JCAD: variants seen among roughly 807,000 people sequenced by gnomAD.
JCAD encodes junctional cadherin 5 associated.
Under a neutral mutation model 98.0 loss-of-function variants are expected in JCAD, and 40 were observed. The observed-to-expected ratio is 0.41, with a 90% confidence interval of 0.32 to 0.53. The LOEUF (loss-of-function observed/expected upper bound fraction) is 0.53. JCAD is among the 20% of genes least tolerant of loss of function. JCAD has a pLI of 0.31. For synonymous variants in JCAD, 691 were observed against 682.3 expected (o/e 1.01, Z -0.20); for missense variants, 1,705 against 1,738.1 (o/e 0.98, Z 0.34).
intron 1 of JCAD, among the ~76,000 whole-genome samples, chr10:30,096,727 G>T (rs567603707): frequency 6.6e-6 from 1 of 151,696 alleles, no homozygotes; most frequent in African/African-American, 2.4e-5. Flanking sequence ...CTCAGGTGGC[G>T]TCATGGAATG....
intron 2 of JCAD, among the ~76,000 whole-genome samples, chr10:30,037,747 A>G (rs1002473866): frequency 5.9e-5 from 9 of 152,102 alleles, no homozygotes; most frequent in Admixed American, 5.9e-4. Context: ...GGGCACAGGA[A>G]AGCAATTCAA....
upstream of JCAD, among the ~76,000 whole-genome samples, chr10:30,061,506 C>T (rs1837699996): frequency 6.6e-6 from 1 of 150,466 alleles, no homozygotes; most frequent in African/African-American, 2.5e-5. Context: ...CATGCCACTG[C>T]ACTCCAGCCT....
intron 1 of JCAD, among the ~76,000 whole-genome samples, chr10:30,056,159 T>C (rs1837566644): frequency 6.6e-6 from 1 of 152,234 alleles, no homozygotes; most frequent in African/African-American, 2.4e-5. Context: ...AACATCATCA[T>C]AGGTTAGAGT....
At chr10:30,107,652 CTT>C (rs1268137866) in intron 1 of JCAD, among the ~76,000 whole-genome samples, 2 of 152,216 alleles carry the variant, frequency 1.3e-5, no homozygotes, top group African/African-American at 2.4e-5. Flanking sequence ...CTTTAATAAA[CTT>C]GCTTTCACTT....
chr10:30,064,273 C>T (rs1837748751), upstream of JCAD, among the ~76,000 whole-genome samples: 1 of 152,096 alleles, frequency 6.6e-6, no homozygotes, highest in Admixed American at 6.6e-5. Flanking sequence ...AGCATGTGAG[C>T]ATGCTCAGCC....
At chr10:30,021,808 C>T (rs959145185) in intron 3 of JCAD, among the ~76,000 whole-genome samples, 3 of 152,148 alleles carry the variant, frequency 2.0e-5, no homozygotes, top group Non-Finnish European at 4.4e-5. Context: ...ATTTAGAATC[C>T]TGTTTCCTGT....
In JCAD at chr10:30,059,008, G is replaced by A. The variant is rs1192514625; in HGVS notation, c.-60+474C>T. 6.6e-6 allele frequency among the ~76,000 whole-genome samples: 1 copy of A among 152,152 alleles called. No individual in the cohort carries two copies. ...AACTGGGACCTCGGGGACCCAGCGC[G>A]GCGGCTGTCAGCTCTGGGGTGAGGT... On this transcript the variant is annotated intron_variant, in intron 1 of 3. Coordinates refer to ENST00000375377, the MANE Select transcript of JCAD (RefSeq NM_020848.4). This position sits in a 1 kb window ranked among gnomAD's most constrained non-coding sequence, Gnocchi z 5.0.
intron 3 of JCAD, 36 bp downstream of exon 3, chr10:30,026,067 T>C (rs1836784667): frequency 6.2e-7 from 1 of 1,613,084 alleles, no homozygotes; most frequent in African/African-American, 1.3e-5. Context: ...ACTCCAAATG[T>C]ATACTGAGCA....
At chr10:30,096,012 G>T in intron 1 of JCAD, among the ~76,000 whole-genome samples, 1 of 152,216 alleles carries the variant, frequency 6.6e-6, no homozygotes, top group East Asian at 1.9e-4. Context: ...CCACAAGCTA[G>T]GGAAAAAATG....
intron 1 of JCAD, among the ~76,000 whole-genome samples, chr10:30,107,858 CT>C (rs994429320): frequency 6.6e-6 from 1 of 152,120 alleles, no homozygotes; most frequent in African/African-American, 2.4e-5. Context: ...ATGAAACTTA[CT>C]TCCTTTTCAA....
chr10:30,042,459 G>A (rs777463755), intron 2 of JCAD, among the ~76,000 whole-genome samples: 3 of 152,212 alleles, frequency 2.0e-5, no homozygotes, highest in East Asian at 3.9e-4. Context: ...TAAGAGATGC[G>A]GGCAGTTGAC....
intron 3 of JCAD, among the ~76,000 whole-genome samples, chr10:30,018,289 TCTTCTTC>T (rs1191027355): frequency 4.8e-5 from 6 of 123,774 alleles, no homozygotes; most frequent in African/African-American, 1.1e-4. Context: ...TTCTTCTTCT[TCTTCTTC>T]TTTTTTTTTT....
At chr10:30,115,033 A>G (rs1442153916) in intron 1 of JCAD, among the ~76,000 whole-genome samples, 4 of 152,174 alleles carry the variant, frequency 2.6e-5, no homozygotes, top group Non-Finnish European at 5.9e-5. Flanking sequence ...CACGTGACCA[A>G]CCTCAGAGCC....
At chr10:30,061,072 G>T (rs1436574564), upstream of JCAD, among the ~76,000 whole-genome samples, 2 of 152,208 alleles carry the variant, frequency 1.3e-5, no homozygotes, top group Non-Finnish European at 2.9e-5. Context: ...GAACCAGGTA[G>T]CTCAGGTCCC....
chr10:30,086,143 T>C (rs1180277743), intron 1 of JCAD, among the ~76,000 whole-genome samples: 1 of 152,158 alleles, frequency 6.6e-6, no homozygotes, highest in Admixed American at 6.5e-5. Context: ...AAAATTATTT[T>C]TTTAAAGACA....
rs1836807784 is a variant in JCAD, at chr10:30,026,599, G to A, written c.3549C>T (p.Thr1183=). ...CAGGCTCAGGGACAGGGTCTGTGCTGGTGACAACCCCGTCCACATCTGAGT... is the reference window on the plus strand; with the variant it reads ...CAGGCTCAGGGACAGGGTCTGTGCTAGTGACAACCCCGTCCACATCTGAGT... ...FEHSDVDGVV[T]STDPVPEPEP... is the part of the protein sequence containing the mutation. Residue 1183 remains threonine (T), a synonymous_variant, in exon 3 of 4, where the codon ACC becomes ACT. Coordinates refer to ENST00000375377, the MANE Select transcript of JCAD (RefSeq NM_020848.4). 1.2e-6 allele frequency: 2 copies of A among 1,613,824 alleles called. No individual in the cohort carries two copies. Among genetic ancestry groups the A allele is most frequent in the African/African-American group, 1.3e-5 (1 of 74,916 alleles).
intron 1 of JCAD, among the ~76,000 whole-genome samples, chr10:30,070,460 T>A (rs1837864619): frequency 6.6e-6 from 1 of 152,198 alleles, no homozygotes; most frequent in Non-Finnish European, 1.5e-5. Flanking sequence ...AAGAATGAAT[T>A]GAGCACCATT....
chr10:30,107,271 T>G (rs961619690), intron 1 of JCAD, among the ~76,000 whole-genome samples: 18 of 152,158 alleles, frequency 1.2e-4, no homozygotes, highest in African/African-American at 4.3e-4. Context: ...ACAAAGACCT[T>G]GCTGATAAAA....
At position 30,030,012 on chromosome 10, in the gene JCAD, T is replaced by A. The variant is rs1361154903; in HGVS notation, c.282-146A>T. 2.8e-5 allele frequency: 27 copies of A among 968,564 alleles called. No homozygotes were observed. The South Asian group carries it at 4.5e-4, about 16-fold the overall frequency. The allele number at this position is 968,564 out of a possible 1,614,324, so 60.0% of individuals were successfully genotyped here. On this transcript the variant is annotated intron_variant, in intron 2 of 3. Transcript: ENST00000375377. ...GTACTTGCCAGCTTGAAAGAAAACATATCCCATTAATTATGGTTGGAAGAC... is the reference window on the plus strand; with the variant it reads ...GTACTTGCCAGCTTGAAAGAAAACAAATCCCATTAATTATGGTTGGAAGAC...
Sources: allele counts gnomAD v4.1 joint callset (sites outside exome capture counted in the v4.1 genomes callset), GRCh38; gene constraint gnomAD v4.1.1; non-coding constraint Gnocchi (gnomAD v3.1); transcripts MANE v1.5; gene names NCBI Gene and HGNC (gene_info 2026-07-23, HGNC 2026-07-21).